PRMT8: variants seen among roughly 807,000 people sequenced by gnomAD.
PRMT8 encodes protein arginine N-methyltransferase 8.
PRMT8 carries 7 observed loss-of-function variants against 47.1 expected under a neutral mutation model. That is an observed-to-expected ratio of 0.15 (90% CI 0.08 to 0.28). PRMT8 has a LOEUF of 0.28. Ranked by LOEUF, PRMT8 falls within the 10% of genes least tolerant of loss-of-function variation. PRMT8 has a pLI of 1.00. For missense variants in PRMT8, 237 were observed against 505.4 expected (o/e 0.47, Z 5.09); for synonymous variants, 188 against 186.5 (o/e 1.01, Z -0.07).
intron 8 of PRMT8, among the ~76,000 whole-genome samples, chr12:3,588,709 A>G (rs1867234807): frequency 6.6e-6 from 1 of 152,246 alleles, no homozygotes; most frequent in African/African-American, 2.4e-5. Flanking sequence ...TGCTCACTTC[A>G]AAATGTAGAA....
intron 1 of PRMT8, among the ~76,000 whole-genome samples, chr12:3,429,750 G>C (rs1047794735): frequency 2.0e-5 from 3 of 152,322 alleles, no homozygotes; most frequent in Admixed American, 6.5e-5. Context: ...TTCCTTCCCG[G>C]TGTTCAGCCA....
intron 1 of PRMT8, among the ~76,000 whole-genome samples, chr12:3,423,382 C>T (rs539774732): frequency 6.7e-4 from 102 of 152,316 alleles, no homozygotes; most frequent in African/African-American, 1.6e-3. Context: ...AGCTTGTAAC[C>T]GTATGATTTG....
chr12:3,437,906 G>T (rs1200822082), intron 1 of PRMT8, among the ~76,000 whole-genome samples: 4 of 152,228 alleles, frequency 2.6e-5, no homozygotes, highest in Non-Finnish European at 5.9e-5. Context: ...CGAGGGCCCA[G>T]TTAGCTCGAG....
intron 9 of PRMT8, 129 bp from the exon 10 acceptor site, chr12:3,592,970 A>T: frequency 1.4e-6 from 1 of 713,224 alleles, no homozygotes; most frequent in Non-Finnish European, 2.5e-6. Flanking sequence ...GGAACCCCTT[A>T]GCCAGAAAGC....
At chr12:3,446,360 G>A (rs4766120) in intron 1 of PRMT8, among the ~76,000 whole-genome samples, 82,440 of 151,558 alleles carry the variant, frequency 0.54, 26,151 homozygotes, top group East Asian at 0.77. Context: ...GAATCCTCTC[G>A]ACCTGCAGAC....
chr12:3,586,034 G>A (rs1867164400), intron 8 of PRMT8, among the ~76,000 whole-genome samples: 1 of 152,140 alleles, frequency 6.6e-6, no homozygotes, highest in Non-Finnish European at 1.5e-5. Flanking sequence ...CCATGGGCAA[G>A]GATGCTCTGG....
intron 4 of PRMT8, among the ~76,000 whole-genome samples, chr12:3,567,527 TG>T (rs751537584): frequency 7.2e-5 from 11 of 152,098 alleles, no homozygotes; most frequent in Admixed American, 5.2e-4. Flanking sequence ...AACATAGGGG[TG>T]GGGGCCTTGA....
intron 1 of PRMT8, among the ~76,000 whole-genome samples, chr12:3,427,721 C>A (rs907536035): frequency 6.6e-6 from 1 of 151,746 alleles, no homozygotes; most frequent in Admixed American, 6.6e-5. Context: ...TTTGACATGC[C>A]TCAATTTTCT....
Position 3,534,511 on chromosome 12 carries a change from C to T in PRMT8, c.76-6095C>T, listed in dbSNP as rs138532660. On this transcript the variant is annotated intron_variant, in intron 1 of 9. Transcript: ENST00000382622. The stretch of plus-strand genomic sequence containing the variant: ...GAGGTTCCAGTTCCAGATCCACCTC[C>T]GGACCTAGATTCCCCTAGGTGAGCC... Among the ~76,000 whole-genome samples the T allele has an allele frequency of 1.6e-3, 243 of 152,320 alleles. 1 individual carries two copies. Among genetic ancestry groups the T allele is most frequent in the African/African-American group, 5.4e-3 (224 of 41,568 alleles).
chr12:3,548,140 A>T (rs548112081), intron 2 of PRMT8, among the ~76,000 whole-genome samples: 23 of 152,252 alleles, frequency 1.5e-4, no homozygotes, highest in Admixed American at 3.3e-4. Flanking sequence ...TGTTTCTTGG[A>T]CCATTTATTT....
chr12:3,464,386 G>A (rs1381309015), intron 1 of PRMT8, among the ~76,000 whole-genome samples: 2 of 151,946 alleles, frequency 1.3e-5, no homozygotes, highest in Non-Finnish European at 2.9e-5. Flanking sequence ...ATAAAGCAGT[G>A]TCACACTTTC....
chr12:3,556,494 A>T (rs1866530127), intron 4 of PRMT8, among the ~76,000 whole-genome samples: 1 of 152,094 alleles, frequency 6.6e-6, no homozygotes, highest in Admixed American at 6.6e-5. Context: ...ACCACCATTG[A>T]CTTTGGCCAC....
In PRMT8 at chr12:3,569,753, C is replaced by A. The variant is rs1866812210; in HGVS notation, c.712+189C>A. Among the ~76,000 whole-genome samples the A allele has an allele frequency of 6.6e-6, 1 of 152,136 alleles. No individual in the cohort carries two copies. The highest frequency in any genetic ancestry group is 1.5e-5 in the Non-Finnish European group (1 of 68,026). On this transcript the variant is annotated intron_variant, in intron 6 of 9. Coordinates refer to ENST00000382622, the MANE Select transcript of PRMT8 (RefSeq NM_019854.5). The surrounding 1 kb of genome is among the most constrained non-coding windows in gnomAD (Gnocchi z 8.2). ...TCTAGTCCCAAGGGTGTTAGGTCTA[C>A]AGACAGAAAATAAGCCATATGGCTG...
intron 1 of PRMT8, among the ~76,000 whole-genome samples, chr12:3,392,021 G>C (rs1205246974): frequency 3.9e-5 from 6 of 152,104 alleles, no homozygotes; most frequent in Non-Finnish European, 7.4e-5. Context: ...GGAGCAAAGG[G>C]TTGGAGGCAT....
chr12:3,495,281 T>G (rs565644971), intron 1 of PRMT8, among the ~76,000 whole-genome samples: 1 of 152,208 alleles, frequency 6.6e-6, no homozygotes, highest in African/African-American at 2.4e-5. Flanking sequence ...TTTAAAAACT[T>G]AGGATGCTGT....
intron 1 of PRMT8, among the ~76,000 whole-genome samples, chr12:3,498,390 A>G (rs904844568): frequency 1.3e-5 from 2 of 152,202 alleles, no homozygotes; most frequent in Non-Finnish European, 2.9e-5. Context: ...GGAATGTGGA[A>G]TGGTGAATTT....
intron 1 of PRMT8, among the ~76,000 whole-genome samples, chr12:3,381,773 G>C (rs1864094375): frequency 6.6e-6 from 1 of 152,152 alleles, no homozygotes; most frequent in Admixed American, 6.5e-5. Flanking sequence ...GCACAATATT[G>C]TAACCTGGAA....
intron 1 of PRMT8, among the ~76,000 whole-genome samples, chr12:3,523,419 G>A (rs1041175654): frequency 2.6e-5 from 4 of 152,068 alleles, no homozygotes; most frequent in African/African-American, 9.7e-5. Context: ...CCTGTAGGAC[G>A]GTTAGCTTTT....
intron 1 of PRMT8, among the ~76,000 whole-genome samples, chr12:3,496,212 A>ATTTTTTTTTTTTTTTTTTTTTTTTTTTT (rs1444249290): frequency 5.2e-5 from 1 of 19,392 alleles, no homozygotes. Context: ...ATATATATAT[A>ATTTTTTTTTTTTTTTTTTTTTTTTTTTT]TATTTTTTTT....
Sources: gnomAD v4.1 joint callset for allele counts (sites outside exome capture counted in the v4.1 genomes callset) on GRCh38, gnomAD v4.1.1 for gene constraint, Gnocchi (gnomAD v3.1) non-coding constraint, MANE v1.5 for transcripts, NCBI Gene and HGNC (gene_info 2026-07-23, HGNC 2026-07-21) for gene names.